TTC27: variants seen among roughly 807,000 people sequenced by gnomAD.
The protein encoded by TTC27 is tetratricopeptide repeat protein 27.
TTC27 carries 79 observed loss-of-function variants against 115.9 expected under a neutral mutation model. The ratio of observed to expected loss-of-function variants is 0.68; its 90% CI spans 0.57 to 0.82. The LOEUF (loss-of-function observed/expected upper bound fraction) is 0.82, where lower values mean the gene tolerates loss of function less well. TTC27 is among the 40% of genes least tolerant of loss of function. TTC27 has a pLI of 0.00. For missense variants in TTC27, 1,054 were observed against 993.1 expected (o/e 1.06, Z -0.82); for synonymous variants, 401 against 356.0 (o/e 1.13, Z -1.42).
intron 8 of TTC27, among the ~76,000 whole-genome samples, chr2:32,675,861 G>A (rs1226408262): frequency 6.6e-6 from 1 of 151,724 alleles, no homozygotes; most frequent in Non-Finnish European, 1.5e-5. Flanking sequence ...GTGCAATCTT[G>A]ACTCACTGCA....
At chr2:32,810,764 A>G (rs1671290780) in intron 16 of TTC27, among the ~76,000 whole-genome samples, 1 of 152,156 alleles carries the variant, frequency 6.6e-6, no homozygotes, top group Non-Finnish European at 1.5e-5. Context: ...GCCAAGCACC[A>G]AACATGGGGC....
intron 8 of TTC27, among the ~76,000 whole-genome samples, chr2:32,675,919 G>A (rs1400558967): frequency 2.0e-5 from 3 of 151,864 alleles, no homozygotes; most frequent in Non-Finnish European, 4.4e-5. Flanking sequence ...AGCCTCCTGA[G>A]TAGCTGGGAT....
chr2:32,699,837 T>G (rs1037109636), intron 9 of TTC27, among the ~76,000 whole-genome samples: 3 of 152,262 alleles, frequency 2.0e-5, no homozygotes, highest in Non-Finnish European at 4.4e-5. Flanking sequence ...CAGTATTTAG[T>G]GAGAATGTTT....
chr2:32,682,841 A>ATTTTTTTTTTTTTTTTTTTT (rs1559204114), intron 9 of TTC27, among the ~76,000 whole-genome samples: 4 of 77,504 alleles, frequency 5.2e-5, no homozygotes, highest in African/African-American at 1.1e-4. Flanking sequence ...GATAATTTTT[A>ATTTTTTTTTTTTTTTTTTTT]TTGTTGTTTT....
chr2:32,817,438 C>G lies in TTC27; in HGVS notation c.2309-19C>G, dbSNP rs372608560. The G allele has an allele frequency of 1.9e-6, 3 of 1,596,244 alleles. No individual in the cohort carries two copies. Among genetic ancestry groups the G allele is most frequent in the Non-Finnish European group, 2.6e-6 (3 of 1,164,268 alleles). On this transcript the variant is annotated intron_variant, in intron 18 of 19. Transcript: ENST00000317907. ...TTAACACTTTTTAATGGATGTTTCT[C>G]TCCATACTTATCTTCCAGTGGCCAT...
chr2:32,747,341 C>G (rs78672561), intron 12 of TTC27, among the ~76,000 whole-genome samples: 1 of 152,270 alleles, frequency 6.6e-6, no homozygotes, highest in East Asian at 1.9e-4. Flanking sequence ...AATTGTAAAT[C>G]TAAAATGCAT....
At chr2:32,728,677 A>G (rs538138483) in intron 10 of TTC27, among the ~76,000 whole-genome samples, 5 of 152,196 alleles carry the variant, frequency 3.3e-5, no homozygotes, top group Non-Finnish European at 7.3e-5. Flanking sequence ...TGACAGGCTC[A>G]CCTATTTCAT....
chr2:32,708,891 A>G (rs1047498385), intron 10 of TTC27, among the ~76,000 whole-genome samples: 5 of 152,114 alleles, frequency 3.3e-5, no homozygotes, highest in Non-Finnish European at 5.9e-5. Context: ...AACATACAAA[A>G]TATGTGTTAA....
chr2:32,745,296 G>T (rs1668785846), intron 12 of TTC27, among the ~76,000 whole-genome samples: 1 of 152,094 alleles, frequency 6.6e-6, no homozygotes, highest in African/African-American at 2.4e-5. Context: ...ATATCATCAG[G>T]ACTTTTTAGC....
At chr2:32,681,054 G>A (rs954450435) in intron 9 of TTC27, among the ~76,000 whole-genome samples, 6 of 152,104 alleles carry the variant, frequency 3.9e-5, no homozygotes, top group Non-Finnish European at 7.4e-5. Context: ...AGGCCTTTAT[G>A]CTGTGTGATT....
intron 16 of TTC27, among the ~76,000 whole-genome samples, chr2:32,794,861 A>G (rs1441248995): frequency 2.0e-5 from 3 of 152,142 alleles, no homozygotes. Context: ...ATTCCTAGAA[A>G]CACAAAACCT....
At position 32,672,375 on chromosome 2, in the gene TTC27, T is replaced by C; in HGVS notation, c.1043T>C (p.Leu348Pro). Residue 348 changes from leucine to proline, a missense_variant, in exon 8 of 20, where the codon CTT (leucine) becomes CCT (proline). Coordinates refer to ENST00000317907, the MANE Select transcript of TTC27 (RefSeq NM_017735.5). ...TGTGCTGAAGAGATCGCTATTATTC[T>C]TGGAATCTGGTGAGTTAATGACTGA... The part of the protein sequence containing the change: ...DLCAEEIAII[L>P]GICTNFQKNN... 1 of 1,612,680 alleles carries C rather than the reference T, an allele frequency of 6.2e-7. No homozygotes were observed. The highest frequency in any genetic ancestry group is 8.5e-7 in the Non-Finnish European group (1 of 1,178,922).
intron 10 of TTC27, among the ~76,000 whole-genome samples, chr2:32,707,287 G>A (rs529270909): frequency 6.6e-6 from 1 of 152,290 alleles, no homozygotes; most frequent in East Asian, 1.9e-4. Context: ...TCATCCCCTG[G>A]CAGAAGGGTA....
intron 10 of TTC27, among the ~76,000 whole-genome samples, chr2:32,730,265 C>A (rs778047887): frequency 6.6e-6 from 1 of 152,182 alleles, no homozygotes; most frequent in Non-Finnish European, 1.5e-5. Flanking sequence ...TAAAGCCATA[C>A]TCCTAGACCA....
Position 32,777,929 on chromosome 2 carries a change from C to T in TTC27, c.1728C>T (p.Asp576=), listed in dbSNP as rs775981566. 3 of 1,614,060 alleles carry T rather than the reference C, an allele frequency of 1.9e-6. No homozygotes were observed. The highest frequency in any genetic ancestry group is 2.5e-6 in the Non-Finnish European group (3 of 1,180,014). ...SLGCAYLALE[D]YQGSAKAFQR... ...GTTGTGCCTATTTGGCCTTGGAAGA[C>T]TATCAAGGTTCAGCAAAGGCATTTC... Residue 576 remains aspartate (D), a synonymous_variant, in exon 14 of 20, where the codon GAC becomes GAT. Coordinates refer to ENST00000317907, the MANE Select transcript of TTC27 (RefSeq NM_017735.5).
intron 15 of TTC27, among the ~76,000 whole-genome samples, 198 bp downstream of exon 15, chr2:32,782,876 A>C (rs1485473767): frequency 6.6e-6 from 1 of 152,174 alleles, no homozygotes; most frequent in Non-Finnish European, 1.5e-5. Flanking sequence ...TTTCTTAAAA[A>C]CATTTCATAT....
chr2:32,817,442 A>T lies in TTC27; in HGVS notation c.2309-15A>T, dbSNP rs1356436197. 4 of 1,605,124 alleles carry T rather than the reference A, an allele frequency of 2.5e-6. No homozygotes were observed. Among genetic ancestry groups the T allele is most frequent in the Non-Finnish European group, 3.4e-6 (4 of 1,172,054 alleles). On this transcript the variant is annotated splice_polypyrimidine_tract_variant and intron_variant, in intron 18 of 19. Coordinates refer to ENST00000317907, the MANE Select transcript of TTC27 (RefSeq NM_017735.5). Reference sequence around the variant, plus strand: ...CACTTTTTAATGGATGTTTCTCTCCATACTTATCTTCCAGTGGCCATAAAA... The same window carrying T: ...CACTTTTTAATGGATGTTTCTCTCCTTACTTATCTTCCAGTGGCCATAAAA...
chr2:32,681,922 C>G (rs971658448), intron 9 of TTC27, among the ~76,000 whole-genome samples: 11 of 150,522 alleles, frequency 7.3e-5, no homozygotes, highest in Non-Finnish European at 1.6e-4. Context: ...TTGTGCCTCT[C>G]TTTTTGCAAG....
At chr2:32,806,573 G>A (rs1463311150) in intron 16 of TTC27, among the ~76,000 whole-genome samples, 1 of 152,074 alleles carries the variant, frequency 6.6e-6, no homozygotes, top group Non-Finnish European at 1.5e-5. Context: ...GAGGTCAGGA[G>A]ATCGAGACCA....
Sources: allele counts gnomAD v4.1 joint callset (sites outside exome capture counted in the v4.1 genomes callset), GRCh38; gene constraint gnomAD v4.1.1; transcripts MANE v1.5; gene names NCBI Gene and HGNC (gene_info 2026-07-23, HGNC 2026-07-21).